NXPH1: variants seen among roughly 807,000 people sequenced by gnomAD.
NXPH1 encodes the protein neurexophilin 1.
In NXPH1, 5 loss-of-function variants were observed where a neutral mutation model predicts 23.7. The observed-to-expected ratio is 0.21, with a 90% CI of 0.11 to 0.44. The LOEUF (loss-of-function observed/expected upper bound fraction) is 0.44. Among genes scored for constraint, NXPH1 ranks in the 20% least tolerant of loss-of-function variants. The pLI, the probability that NXPH1 is intolerant of heterozygous loss-of-function variation, is 0.99. For synonymous variants in NXPH1, 144 were observed against 122.2 expected (o/e 1.18, Z -1.18); for missense variants, 324 against 321.6 (o/e 1.01, Z -0.06).
intron 2 of NXPH1, among the ~76,000 whole-genome samples, chr7:8,586,755 A>G (rs983224094): frequency 4.6e-5 from 7 of 151,998 alleles, no homozygotes; most frequent in African/African-American, 1.7e-4. Context: ...TTCCAGTTGG[A>G]ATAGCTCTAA....
chr7:8,499,021 A>C (rs1193461450), intron 2 of NXPH1, among the ~76,000 whole-genome samples: 1 of 152,082 alleles, frequency 6.6e-6, no homozygotes, highest in African/African-American at 2.4e-5. Context: ...AGTGTTTAAC[A>C]TGAAGTGAAC....
chr7:8,640,979 A>T (rs187813393), intron 2 of NXPH1, among the ~76,000 whole-genome samples: 2 of 152,120 alleles, frequency 1.3e-5, no homozygotes, highest in Non-Finnish European at 2.9e-5. Flanking sequence ...ATTAAATAAA[A>T]ATTTAAAAAG....
chr7:8,607,987 G>A (rs1258250089), intron 2 of NXPH1, among the ~76,000 whole-genome samples: 2 of 152,240 alleles, frequency 1.3e-5, no homozygotes, highest in Non-Finnish European at 2.9e-5. Flanking sequence ...TGCAAGCCAA[G>A]GAATGCCAAG....
At chr7:8,480,746 G>A (rs761339149) in intron 2 of NXPH1, among the ~76,000 whole-genome samples, 3 of 152,076 alleles carry the variant, frequency 2.0e-5, no homozygotes, top group Non-Finnish European at 4.4e-5. Flanking sequence ...CCCGGCAATT[G>A]TAAGAAGAAA....
At chr7:8,582,756 G>A (rs1306258313) in intron 2 of NXPH1, among the ~76,000 whole-genome samples, 2 of 152,116 alleles carry the variant, frequency 1.3e-5, no homozygotes, top group Non-Finnish European at 2.9e-5. Context: ...TTCTCACTCT[G>A]GGTGCTAACT....
intron 2 of NXPH1, among the ~76,000 whole-genome samples, chr7:8,658,934 T>A (rs1464244994): frequency 6.6e-6 from 1 of 152,082 alleles, no homozygotes; most frequent in African/African-American, 2.4e-5. Context: ...TAACTTAATA[T>A]TTAAATGCTG....
intron 2 of NXPH1, among the ~76,000 whole-genome samples, chr7:8,742,689 G>A (rs1419169819): frequency 6.6e-6 from 1 of 152,002 alleles, no homozygotes; most frequent in Non-Finnish European, 1.5e-5. Context: ...TTTATCTTTG[G>A]TGGGGGTGGG....
intron 2 of NXPH1, among the ~76,000 whole-genome samples, chr7:8,637,761 G>C (rs1820242454): frequency 6.6e-6 from 1 of 152,114 alleles, no homozygotes; most frequent in Non-Finnish European, 1.5e-5. Context: ...TGAATTTGTT[G>C]TTTACACAGA....
intron 2 of NXPH1, among the ~76,000 whole-genome samples, chr7:8,589,294 G>A (rs776313353): frequency 5.3e-5 from 8 of 152,014 alleles, no homozygotes; most frequent in East Asian, 1.9e-4. Context: ...TGGCAGGCCC[G>A]GTCACTTGCA....
chr7:8,733,875 A>G (rs1017678337), intron 2 of NXPH1, among the ~76,000 whole-genome samples: 11 of 152,130 alleles, frequency 7.2e-5, no homozygotes, highest in African/African-American at 2.7e-4. Context: ...GAAACTCTTT[A>G]GTTTAATTAG....
rs552993399 is a variant in NXPH1 at position 8,721,248 on chromosome 7, A to C, written c.55-29760A>C. Among the ~76,000 whole-genome samples, 10 of 152,302 alleles carry C rather than the reference A, an allele frequency of 6.6e-5. No individual in the cohort carries two copies. The East Asian group carries it at 1.9e-3, about 29-fold the overall frequency. On this transcript the variant is annotated intron_variant, in intron 2 of 2. Transcript: ENST00000405863. The stretch of plus-strand genomic sequence containing the variant: ...AGAAAATTTATACACACATACATAC[A>C]TATATGCATAAATATGAGAGAGAGT...
At chr7:8,742,257 T>C (rs1162264364) in intron 2 of NXPH1, among the ~76,000 whole-genome samples, 1 of 152,050 alleles carries the variant, frequency 6.6e-6, no homozygotes, top group Non-Finnish European at 1.5e-5. Flanking sequence ...CATACAAATA[T>C]ATACACCCAG....
At chr7:8,691,877 T>C (rs1217694306) in intron 2 of NXPH1, among the ~76,000 whole-genome samples, 1 of 152,122 alleles carries the variant, frequency 6.6e-6, no homozygotes, top group Admixed American at 6.5e-5. Flanking sequence ...ATGTGAAGAA[T>C]GCTGTTATGG....
intron 2 of NXPH1, among the ~76,000 whole-genome samples, chr7:8,525,019 G>T (rs532430539): frequency 6.6e-6 from 1 of 152,348 alleles, no homozygotes; most frequent in South Asian, 2.1e-4. Context: ...GCTTAGGTTA[G>T]AACAATTTGA....
rs1260100242 is a variant in NXPH1 at position 8,651,315 on chromosome 7, G to A, written c.55-99693G>A. Among the ~76,000 whole-genome samples, 2 of 71,216 alleles carry A rather than the reference G, an allele frequency of 2.8e-5. 1 individual carries two copies. The highest frequency in any genetic ancestry group is 6.3e-5 in the Non-Finnish European group (2 of 31,890). The allele number at this position is 71,216 out of a possible 152,430, so 46.7% of individuals were successfully genotyped here. A position where few individuals can be genotyped will look rare whatever the true frequency, so the allele number is the denominator to read the frequency against. On this transcript the variant is annotated intron_variant, in intron 2 of 2. Coordinates refer to ENST00000405863, the MANE Select transcript of NXPH1 (RefSeq NM_152745.3). ...AGGACATGAACTCATCATTTTTTAC[G>A]GCTGCATAGTATTCCATGGTGTATA...
intron 2 of NXPH1, among the ~76,000 whole-genome samples, chr7:8,446,027 A>G (rs964616532): frequency 3.3e-5 from 5 of 152,354 alleles, no homozygotes; most frequent in East Asian, 1.9e-4. Context: ...GCCCATAGGT[A>G]TATAAAACAG....
Position 8,657,201 on chromosome 7 carries a change from T to C in NXPH1, c.55-93807T>C, listed in dbSNP as rs555389578. Among the ~76,000 whole-genome samples the C allele has an allele frequency of 2.6e-3, 395 of 152,352 alleles. 3 individuals are homozygous for C. The highest frequency in any genetic ancestry group is 5.9e-4 in the Non-Finnish European group (40 of 68,038). ...CATACAAACATTTAATTTGAAATTC[T>C]GAATTAAAAGAGCAAAAAACCAGCA... is the stretch of plus-strand genomic sequence containing the variant. On this transcript the variant is annotated intron_variant, in intron 2 of 2. Coordinates refer to ENST00000405863, the MANE Select transcript of NXPH1 (RefSeq NM_152745.3).
intron 2 of NXPH1, among the ~76,000 whole-genome samples, chr7:8,693,568 C>G (rs543096494): frequency 1.1e-3 from 167 of 152,260 alleles, no homozygotes; most frequent in Non-Finnish European, 2.1e-3. Context: ...GGACTAATAT[C>G]TATGTCACAA....
chr7:8,453,734 C>G (rs536941386), intron 2 of NXPH1, among the ~76,000 whole-genome samples: 1 of 151,994 alleles, frequency 6.6e-6, no homozygotes, highest in African/African-American at 2.4e-5. Flanking sequence ...TACCCATGTC[C>G]CTGCAAAGGA....
Sources: gnomAD v4.1 joint callset for allele counts (sites outside exome capture counted in the v4.1 genomes callset) on GRCh38, gnomAD v4.1.1 for gene constraint, MANE v1.5 for transcripts, NCBI Gene and HGNC (gene_info 2026-07-23, HGNC 2026-07-21) for gene names.